The following CORIN variants were observed in gnomAD, a reference collection of about 807,000 sequenced individuals.
CORIN encodes atrial natriuretic peptide-converting enzyme.
A neutral mutation model predicts 125.3 loss-of-function variants in CORIN; 117 were observed. The observed-to-expected ratio is 0.93, with a 90% CI of 0.80 to 1.09. CORIN has a LOEUF of 1.09. Among genes scored for constraint, CORIN ranks in the 50% least tolerant of loss-of-function variants. The pLI, the probability that CORIN is intolerant of heterozygous loss-of-function variation, is 0.00. For synonymous variants in CORIN, 450 were observed against 466.4 expected, an observed-to-expected ratio of 0.96 and a Z score of 0.45; for missense variants, 1,253 against 1,306.7, an observed-to-expected ratio of 0.96 and a Z score of 0.63.
intron 2 of CORIN, among the ~76,000 whole-genome samples, chr4:47,803,870 A>G (rs1731652912): frequency 6.6e-6 from 1 of 152,226 alleles, no homozygotes; most frequent in Non-Finnish European, 1.5e-5. Context: ...CCATCAAGTT[A>G]CAAAGCTCCT....
chr4:47,628,045 T>G (rs1722650318), intron 16 of CORIN, among the ~76,000 whole-genome samples: 3 of 152,204 alleles, frequency 2.0e-5, no homozygotes, highest in Admixed American at 2.0e-4. Context: ...AAAGGCAATC[T>G]AGATGGAATT....
intron 21 of CORIN, among the ~76,000 whole-genome samples, chr4:47,599,047 G>A (rs530782592): frequency 6.6e-6 from 1 of 152,176 alleles, no homozygotes; most frequent in African/African-American, 2.4e-5. Flanking sequence ...TGGTCTCACT[G>A]GCAGAGATGA....
chr4:47,834,061 T>A (rs1733231131), intron 1 of CORIN, among the ~76,000 whole-genome samples: 1 of 152,278 alleles, frequency 6.6e-6, no homozygotes, highest in East Asian at 1.9e-4. Flanking sequence ...AGTATAGAAC[T>A]AACATATGAT....
chr4:47,678,099 T>C, intron 8 of CORIN, 45 bp from the exon 9 acceptor site: 1 of 1,326,512 alleles, frequency 7.5e-7, no homozygotes, highest in Non-Finnish European at 1.1e-6. Flanking sequence ...TTAATTCTTC[T>C]CTCTCAATCT....
intron 3 of CORIN, among the ~76,000 whole-genome samples, chr4:47,778,915 A>AT (rs1730408188): frequency 6.6e-6 from 1 of 152,014 alleles, no homozygotes; most frequent in South Asian, 2.1e-4. Context: ...CCAACAAAAT[A>AT]TTTTTTTCCT....
At chr4:47,761,267 T>C (rs1320210014) in intron 4 of CORIN, among the ~76,000 whole-genome samples, 4 of 152,142 alleles carry the variant, frequency 2.6e-5, no homozygotes, top group Non-Finnish European at 4.4e-5. Context: ...TAATCATCTC[T>C]AGCTTTTCAT....
At chr4:47,643,856 G>C (rs189929147) in intron 14 of CORIN, among the ~76,000 whole-genome samples, 1 of 152,284 alleles carries the variant, frequency 6.6e-6, no homozygotes, top group Non-Finnish European at 1.5e-5. Flanking sequence ...ATTAGTTTAA[G>C]CTGGGCATGG....
intron 5 of CORIN, among the ~76,000 whole-genome samples, chr4:47,708,892 A>C (rs191174492): frequency 3.3e-5 from 5 of 152,356 alleles, no homozygotes; most frequent in African/African-American, 1.2e-4. Context: ...GAGAATGTTC[A>C]AAAGACTGGG....
intron 19 of CORIN, among the ~76,000 whole-genome samples, chr4:47,622,251 G>A (rs10031014): frequency 0.27 from 40,712 of 151,458 alleles, 5,597 homozygotes; most frequent in Admixed American, 0.35. Context: ...GTCTATCATT[G>A]TTGGACATTT....
At chr4:47,787,155 A>G (rs1042042738) in intron 2 of CORIN, among the ~76,000 whole-genome samples, 1 of 152,150 alleles carries the variant, frequency 6.6e-6, no homozygotes, top group African/African-American at 2.4e-5. Context: ...GTGATGAAAC[A>G]TGGCTTTCTC....
At chr4:47,666,024 AG>A (rs1724462913) in intron 10 of CORIN, among the ~76,000 whole-genome samples, 2 of 152,146 alleles carry the variant, frequency 1.3e-5, no homozygotes, top group African/African-American at 4.8e-5. Context: ...ATCTCCCCAA[AG>A]GTGGTCATGG....
intron 6 of CORIN, among the ~76,000 whole-genome samples, chr4:47,690,045 C>T (rs1725699357): frequency 6.6e-6 from 1 of 152,124 alleles, no homozygotes; most frequent in Non-Finnish European, 1.5e-5. Flanking sequence ...CCAACAAATA[C>T]TTAAGAAGAG....
At chr4:47,641,850 G>T in intron 16 of CORIN, 70 bp downstream of exon 16, 3 of 1,559,904 alleles carry the variant, frequency 1.9e-6, no homozygotes, top group South Asian at 2.3e-5. Context: ...GCATCCTAAG[G>T]AAGATATTAC....
chr4:47,822,275 G>T (rs969306627), intron 1 of CORIN, among the ~76,000 whole-genome samples: 7 of 152,162 alleles, frequency 4.6e-5, no homozygotes, highest in Non-Finnish European at 8.8e-5. Context: ...TGACCCGTTT[G>T]ATACTCAGTT....
At chr4:47,659,486 T>C (rs1724148812) in intron 12 of CORIN, among the ~76,000 whole-genome samples, 1 of 152,184 alleles carries the variant, frequency 6.6e-6, no homozygotes, top group South Asian at 2.1e-4. Context: ...GCTCAGCTTC[T>C]ATGAAGGCCC....
At position 47,693,042 on chromosome 4, in the gene CORIN, T is replaced by G; in HGVS notation, c.841A>C (p.Ile281Leu). Residue 281 changes from isoleucine (I) to leucine (L), a missense_variant, in exon 6 of 22, where the codon ATC becomes CTC. By Grantham distance (5) the Ile-to-Leu change is conservative. Coordinates refer to ENST00000273857, the MANE Select transcript of CORIN (RefSeq NM_006587.4). ...RGENFLCASG[I>L]CIPGKLQCNG... The stretch of plus-strand genomic sequence containing the variant: ...CATTGCAGTTTCCCGGGGATGCAGA[T>G]TCCACTGGCACACAGAAAGTTCTCA... The G allele has an allele frequency of 6.2e-7, 1 of 1,613,780 alleles. No homozygotes were observed. Among genetic ancestry groups the G allele is most frequent in the Non-Finnish European group, 8.5e-7 (1 of 1,179,830 alleles).
At chr4:47,675,738 C>G (rs1012179734) in intron 9 of CORIN, among the ~76,000 whole-genome samples, 1 of 152,036 alleles carries the variant, frequency 6.6e-6, no homozygotes, top group Non-Finnish European at 1.5e-5. Flanking sequence ...TTTATTTTTA[C>G]TTATTTATTG....
In CORIN at chr4:47,683,776, C is replaced by T; in HGVS notation, c.976G>A (p.Asp326Asn). 6.2e-7 allele frequency: 1 copy of T among 1,613,846 alleles called. No individual in the cohort carries two copies. Among genetic ancestry groups the T allele is most frequent in the Non-Finnish European group, 8.5e-7 (1 of 1,179,846 alleles). The change falls in exon 7 of 22, where the codon GAT becomes AAT. Residue 326 changes from aspartate (D) to asparagine (N), a missense_variant. Asp to Asn is a conservative substitution (Grantham distance 23). Transcript: ENST00000273857. ...GKCLNYSLVC[D>N]GYDDCGDLSD... ...AAATCCCCACAGTCATCATATCCAT[C>T]ACACACAAGGCTGTAATTAAGGCAC...
chr4:47,767,135 C>T (rs1729792788), intron 3 of CORIN, among the ~76,000 whole-genome samples: 1 of 151,914 alleles, frequency 6.6e-6, no homozygotes, highest in Admixed American at 6.6e-5. Context: ...TTTCTGCCAG[C>T]CAAAAAGAGC....
Sources: allele counts gnomAD v4.1 joint callset (sites outside exome capture counted in the v4.1 genomes callset), GRCh38; gene constraint gnomAD v4.1.1; transcripts MANE v1.5; gene names NCBI Gene and HGNC (gene_info 2026-07-23, HGNC 2026-07-21).